Variants in BTBD8 observed in about 807,000 individuals in gnomAD.
BTBD8 encodes BTB domain containing 8, also known as BTB/POZ domain-containing protein 8.
In BTBD8, 110 loss-of-function variants were observed where a neutral mutation model predicts 162.9. That is an observed-to-expected ratio of 0.68 (90% CI 0.58 to 0.79). The LOEUF is 0.79. Among genes scored for constraint, BTBD8 ranks in the 30% least tolerant of loss-of-function variants. The pLI, the probability that BTBD8 is intolerant of heterozygous loss-of-function variation, is 0.00. For synonymous variants in BTBD8, 667 were observed against 716.1 expected, an observed-to-expected ratio of 0.93 and a Z score of 1.10; for missense variants, 1,905 against 2,085.4, an observed-to-expected ratio of 0.91 and a Z score of 1.68.
chr1:92,176,469 G>A (rs1239982543), intron 13 of BTBD8, among the ~76,000 whole-genome samples: 1 of 152,180 alleles, frequency 6.6e-6, no homozygotes, highest in Non-Finnish European at 1.5e-5. Flanking sequence ...AAACATGGGA[G>A]TAAGCCTTCT....
chr1:92,152,210 C>G (rs1426329852), intron 9 of BTBD8, among the ~76,000 whole-genome samples: 1 of 151,838 alleles, frequency 6.6e-6, no homozygotes, highest in Non-Finnish European at 1.5e-5. Flanking sequence ...CTTCAAGAAA[C>G]TCACAAATTG....
intron 2 of BTBD8, among the ~76,000 whole-genome samples, chr1:92,101,907 A>G (rs1475925987): frequency 6.6e-6 from 1 of 152,154 alleles, no homozygotes. Flanking sequence ...TATGTTGCCC[A>G]GGTTGCTCTT....
chr1:92,112,607 A>T (rs1648928922), intron 4 of BTBD8, among the ~76,000 whole-genome samples: 1 of 152,156 alleles, frequency 6.6e-6, no homozygotes, highest in South Asian at 2.1e-4. Flanking sequence ...TTTTTCAATT[A>T]ACTAAACAAC....
chr1:92,124,105 T>C (rs1203010892), intron 4 of BTBD8, among the ~76,000 whole-genome samples: 3 of 152,208 alleles, frequency 2.0e-5, no homozygotes, highest in Non-Finnish European at 1.5e-5. Context: ...TTCTCAGCCT[T>C]CCAGCTGTTG....
At chr1:92,082,844 T>C (rs1380037426) in intron 1 of BTBD8, among the ~76,000 whole-genome samples, 1 of 151,794 alleles carries the variant, frequency 6.6e-6, no homozygotes, top group Non-Finnish European at 1.5e-5. Context: ...TTCAGGGCAG[T>C]GGTAAAAAAA....
rs565156 is a variant in BTBD8, at chr1:92,181,975, C to A, written c.4292C>A (p.Thr1431Asn). ...TENECREFSATKKFKRSVLLS... is the reference protein window; with the variant it reads ...TENECREFSANKKFKRSVLLS... Reference sequence around the variant, plus strand: ...AATGAATGTCGTGAATTTTCTGCAACTAAAAAGTTTAAAAGGTCAGTTTTA... The same window carrying A: ...AATGAATGTCGTGAATTTTCTGCAAATAAAAAGTTTAAAAGGTCAGTTTTA... The change falls in exon 17 of 18, where the codon ACT becomes AAT. Residue 1431 changes from threonine (T) to asparagine (N), a missense_variant. This residue lies in a region of BTBD8 where 517 missense variants were observed against 606.6 expected (regional missense o/e 0.85). Coordinates refer to ENST00000636805, the MANE Select transcript of BTBD8 (RefSeq NM_001376131.1). 1,527,211 of 1,551,612 alleles carry A rather than the reference C, an allele frequency of 0.98. 751,650 individuals are homozygous for A. Among genetic ancestry groups the A allele is most frequent in the East Asian group, 1 (40,902 of 40,904 alleles).
intron 4 of BTBD8, among the ~76,000 whole-genome samples, chr1:92,121,234 G>A (rs912982792): frequency 6.6e-6 from 1 of 151,914 alleles, no homozygotes; most frequent in Non-Finnish European, 1.5e-5. Flanking sequence ...AAATAATTTC[G>A]GTTTGGTTGT....
intron 2 of BTBD8, among the ~76,000 whole-genome samples, chr1:92,096,802 C>T (rs992660952): frequency 5.9e-5 from 9 of 152,124 alleles, no homozygotes; most frequent in East Asian, 1.9e-4. Context: ...TCTCACAAAA[C>T]GCTGAGATTA....
intron 1 of BTBD8, among the ~76,000 whole-genome samples, chr1:92,084,566 C>T (rs747581015): frequency 6.6e-6 from 1 of 152,214 alleles, no homozygotes; most frequent in Admixed American, 6.5e-5. Flanking sequence ...GCTGTATAAA[C>T]TTCCATGCTG....
At chr1:92,122,678 C>T (rs1308642396) in intron 4 of BTBD8, among the ~76,000 whole-genome samples, 1 of 152,070 alleles carries the variant, frequency 6.6e-6, no homozygotes, top group East Asian at 1.9e-4. Context: ...GATTCTTGTG[C>T]CCCAGCCTCC....
intron 2 of BTBD8, among the ~76,000 whole-genome samples, chr1:92,089,379 TACTC>T (rs1166652017): frequency 6.6e-6 from 1 of 152,196 alleles, no homozygotes; most frequent in Non-Finnish European, 1.5e-5. Context: ...CGTTGCTACG[TACTC>T]ACTCTGTATT....
chr1:92,121,355 A>G (rs1649204484), intron 4 of BTBD8, among the ~76,000 whole-genome samples: 1 of 152,186 alleles, frequency 6.6e-6, no homozygotes, highest in South Asian at 2.1e-4. Context: ...CTTTTTTGTA[A>G]TGTCCTTGTC....
At chr1:92,168,825 A>G (rs769437604) in intron 11 of BTBD8, 41 bp from the exon 12 acceptor site, 84 of 1,477,590 alleles carry the variant, frequency 5.7e-5, no homozygotes, top group Middle Eastern at 1.7e-4. Context: ...TGCTATGACA[A>G]TGTGGCTCTC....
At position 92,115,091 on chromosome 1, in the gene BTBD8, G is replaced by T. The variant is rs1570726160; in HGVS notation, c.662+7090G>T. On this transcript the variant is annotated intron_variant, in intron 4 of 17. Coordinates refer to ENST00000636805, the MANE Select transcript of BTBD8 (RefSeq NM_001376131.1). The stretch of plus-strand genomic sequence containing the variant: ...AGGTCAGGTTCATGACTAACATGTT[G>T]GCAGTGGGGACATGAAAGGCCACGC... 7 of 425,738 alleles carry T rather than the reference G, an allele frequency of 1.6e-5. No individual in the cohort carries two copies. In the East Asian group the frequency reaches 4.3e-4, roughly 26 times the overall value. 26.4% of individuals were successfully genotyped at this position (425,738 alleles called of 1,614,324 possible). A position where few individuals can be genotyped will look rare whatever the true frequency, so the allele number is the denominator to read the frequency against.
intron 4 of BTBD8, among the ~76,000 whole-genome samples, chr1:92,112,252 A>T (rs893794107): frequency 6.6e-6 from 1 of 151,978 alleles, no homozygotes; most frequent in Admixed American, 6.6e-5. Flanking sequence ...TCTACAAAAA[A>T]ATTTAGCTGG....
intron 15 of BTBD8, 117 bp downstream of exon 15, chr1:92,178,015 A>G: frequency 1.7e-6 from 1 of 593,102 alleles, no homozygotes; most frequent in Non-Finnish European, 2.9e-6. Flanking sequence ...ATGTATTTAC[A>G]TAATATTTTA....
chr1:92,080,418 T>C lies in BTBD8; in HGVS notation c.-154T>C, dbSNP rs774864270. 90 of 1,123,166 alleles carry C rather than the reference T, an allele frequency of 8.0e-5. No individual in the cohort carries two copies. The highest frequency in any genetic ancestry group is 5.0e-4 in the South Asian group (30 of 59,784). 69.6% of individuals were successfully genotyped at this position (1,123,166 alleles called of 1,614,324 possible). ...CCGCGGTCCGGCTTCTCTGGGAGAC[T>C]GTCTACAAACCGACGAGAGGCGTCA... is the stretch of plus-strand genomic sequence containing the variant. On this transcript the variant is annotated 5_prime_UTR_variant, in exon 1 of 18. Transcript: ENST00000636805.
chr1:92,173,246 C>T (rs773309325), intron 13 of BTBD8, among the ~76,000 whole-genome samples: 3 of 152,098 alleles, frequency 2.0e-5, no homozygotes, highest in African/African-American at 2.4e-5. Context: ...CTTTATAGAC[C>T]GACGATGCAT....
At chr1:92,083,967 C>G (rs548349882) in intron 1 of BTBD8, among the ~76,000 whole-genome samples, 1 of 152,222 alleles carries the variant, frequency 6.6e-6, no homozygotes, top group African/African-American at 2.4e-5. Context: ...TAATGAATGT[C>G]CAGCAAGCTA....
Sources: allele counts gnomAD v4.1 joint callset (sites outside exome capture counted in the v4.1 genomes callset), GRCh38; gene constraint gnomAD v4.1.1; regional missense constraint gnomAD v4.1.1; transcripts MANE v1.5; gene names NCBI Gene and HGNC (gene_info 2026-07-23, HGNC 2026-07-21).